Variants in FGF14 observed in about 807,000 individuals in gnomAD.
The protein encoded by FGF14 is fibroblast growth factor homologous factor 4.
FGF14 carries 5 observed loss-of-function variants against 25.5 expected under a neutral mutation model. The observed-to-expected ratio is 0.20, with a 90% CI of 0.10 to 0.41. The LOEUF is 0.41. Ranked by LOEUF, FGF14 falls within the 10% of genes least tolerant of loss-of-function variation. FGF14 has a pLI of 1.00. For missense variants in FGF14, 222 were observed against 320.1 expected, an observed-to-expected ratio of 0.69 and a Z score of 2.34; for synonymous variants, 138 against 118.3, an observed-to-expected ratio of 1.17 and a Z score of -1.08.
intron 1 of FGF14, among the ~76,000 whole-genome samples, chr13:102,342,868 G>C (rs2056993103): frequency 6.6e-6 from 1 of 152,086 alleles, no homozygotes; most frequent in South Asian, 2.1e-4. Context: ...TAGCAACAAT[G>C]CTGTTTTTCT....
chr13:102,293,438 C>G (rs904340911), intron 1 of FGF14: 1 of 152,148 alleles, frequency 6.6e-6, no homozygotes, highest in Non-Finnish European at 1.5e-5. Context: ...TGCATTTGTC[C>G]TGATCAGCAC....
chr13:101,883,670 G>T (rs2045835738), intron 1 of FGF14, among the ~76,000 whole-genome samples: 2 of 151,388 alleles, frequency 1.3e-5, no homozygotes, highest in African/African-American at 4.8e-5. Context: ...TACACTTTGG[G>T]CCAGAAACGA....
intron 1 of FGF14, among the ~76,000 whole-genome samples, chr13:101,935,986 A>C (rs773347311): frequency 1.3e-5 from 2 of 152,186 alleles, no homozygotes; most frequent in African/African-American, 2.4e-5. Context: ...AGGTCAATGA[A>C]GGGGAAATTT....
At chr13:102,087,414 T>TC (rs1566668518) in intron 1 of FGF14, among the ~76,000 whole-genome samples, 2 of 132,928 alleles carry the variant, frequency 1.5e-5, no homozygotes, top group East Asian at 4.2e-4. Context: ...TTTCTTTTTT[T>TC]TTTTTTTTTT....
At chr13:102,369,913 TAAAACTA>T (rs2057826771) in intron 1 of FGF14, among the ~76,000 whole-genome samples, 1 of 152,216 alleles carries the variant, frequency 6.6e-6, no homozygotes, top group Non-Finnish European at 1.5e-5. Flanking sequence ...GCGACAAAGC[TAAAACTA>T]CGAATTCAAA....
At chr13:102,015,565 A>G (rs1279065924) in intron 1 of FGF14, among the ~76,000 whole-genome samples, 1 of 152,206 alleles carries the variant, frequency 6.6e-6, no homozygotes, top group Non-Finnish European at 1.5e-5. Context: ...GGCTGTTTCT[A>G]AGTGTTCACT....
intron 3 of FGF14, among the ~76,000 whole-genome samples, chr13:101,820,479 G>A (rs2042059523): frequency 6.6e-6 from 1 of 152,086 alleles, no homozygotes; most frequent in Non-Finnish European, 1.5e-5. Context: ...TTGTGTTTCT[G>A]GGTTGAACGT....
chr13:102,081,582 C>CT (rs895395934), intron 1 of FGF14, among the ~76,000 whole-genome samples: 2 of 151,798 alleles, frequency 1.3e-5, no homozygotes, highest in Non-Finnish European at 2.9e-5. Flanking sequence ...CATCCCTGCT[C>CT]TTTTTAAAAA....
chr13:102,164,008 C>G (rs1272573348), intron 1 of FGF14, among the ~76,000 whole-genome samples: 1 of 152,146 alleles, frequency 6.6e-6, no homozygotes, highest in Non-Finnish European at 1.5e-5. Flanking sequence ...GTCCTTCATG[C>G]AGGAAGACCA....
intron 1 of FGF14, among the ~76,000 whole-genome samples, chr13:102,231,942 A>G (rs149228427): frequency 2.6e-4 from 39 of 152,364 alleles, no homozygotes; most frequent in African/African-American, 8.4e-4. Flanking sequence ...AACTGATACT[A>G]TTATTAGCTG....
intron 1 of FGF14, among the ~76,000 whole-genome samples, chr13:102,046,840 A>T (rs929583186): frequency 2.6e-5 from 4 of 152,166 alleles, no homozygotes; most frequent in Admixed American, 6.5e-5. Flanking sequence ...CTACATTGAT[A>T]ATTTAGTTTA....
At chr13:102,266,084 C>T (rs1023127363) in intron 1 of FGF14, among the ~76,000 whole-genome samples, 2 of 152,064 alleles carry the variant, frequency 1.3e-5, no homozygotes, top group Admixed American at 1.3e-4. Context: ...AGGGACAACT[C>T]ATCTCTCTAG....
intron 1 of FGF14, among the ~76,000 whole-genome samples, chr13:102,361,309 A>G (rs998093882): frequency 5.3e-5 from 8 of 152,166 alleles, no homozygotes; most frequent in Non-Finnish European, 1.0e-4. Context: ...AATATTATTC[A>G]CCTGAAGGAC....
At chr13:102,223,631 G>C (rs2140965752) in intron 1 of FGF14, among the ~76,000 whole-genome samples, 1 of 152,206 alleles carries the variant, frequency 6.6e-6, no homozygotes, top group African/African-American at 2.4e-5. Flanking sequence ...CTCCACTTTT[G>C]AAACACTTAA....
chr13:101,908,012 CTTA>C (rs1401884813), intron 1 of FGF14, among the ~76,000 whole-genome samples: 7 of 152,030 alleles, frequency 4.6e-5, no homozygotes, highest in African/African-American at 1.7e-4. Context: ...ACATTTATTT[CTTA>C]TTATTTCTAC....
intron 1 of FGF14, among the ~76,000 whole-genome samples, chr13:102,161,416 T>C (rs1307432637): frequency 6.6e-6 from 1 of 152,108 alleles, no homozygotes; most frequent in East Asian, 1.9e-4. Flanking sequence ...TAGTGTCTGC[T>C]GGCTAAAGAG....
chr13:102,033,711 T>TCTTG (rs2041330947), intron 1 of FGF14, among the ~76,000 whole-genome samples: 1 of 152,162 alleles, frequency 6.6e-6, no homozygotes, highest in East Asian at 1.9e-4. Flanking sequence ...GGATGCAATG[T>TCTTG]CTATTCAGCA....
intron 1 of FGF14, among the ~76,000 whole-genome samples, chr13:102,176,718 T>C (rs2048465387): frequency 6.6e-6 from 1 of 152,008 alleles, no homozygotes; most frequent in Admixed American, 6.6e-5. Flanking sequence ...GTTCCTACCA[T>C]AATAGAAAAA....
Position 102,073,019 on chromosome 13 carries a change from A to T in FGF14, c.209-197723T>A, listed in dbSNP as rs2043212952. 2.0e-5 allele frequency among the ~76,000 whole-genome samples: 3 copies of T among 152,220 alleles called. No individual in the cohort carries two copies. The South Asian group carries it at 6.2e-4, about 32-fold the overall frequency. On this transcript the variant is annotated intron_variant, in intron 1 of 4. Coordinates refer to the FGF14 transcript ENST00000376131. ...CCTCCACCTAGCCAGAGGCTGGCAG[A>T]TCACTTGAGGTTAACAGTTCAAGAC...
Sources: allele counts gnomAD v4.1 joint callset (sites outside exome capture counted in the v4.1 genomes callset), GRCh38; gene constraint gnomAD v4.1.1; transcripts MANE v1.5; gene names NCBI Gene and HGNC (gene_info 2026-07-23, HGNC 2026-07-21).